Variants in SNX22 observed in about 807,000 individuals in gnomAD.
The protein encoded by SNX22 is sorting nexin-22.
SNX22 carries 23 observed loss-of-function variants against 24.7 expected under a neutral mutation model. That is an observed-to-expected ratio of 0.93 (90% confidence interval 0.67 to 1.32). SNX22 has a LOEUF of 1.32. Among genes scored for constraint, SNX22 ranks in the 40% most tolerant of loss-of-function variants. The pLI, the probability that SNX22 is intolerant of heterozygous loss-of-function variation, is 0.00. For synonymous variants in SNX22, 99 were observed against 104.0 expected (o/e 0.95, Z 0.29); for missense variants, 261 against 249.9 (o/e 1.04, Z -0.30).
chr15:64,152,812 G>C, intron 3 of SNX22, 70 bp downstream of exon 3: 2 of 1,418,428 alleles, frequency 1.4e-6, no homozygotes, highest in Non-Finnish European at 2.0e-6. Context: ...AGAGAGGTGT[G>C]GGGGCATGGC....
chr15:64,154,125 T>G, intron 6 of SNX22, 123 bp downstream of exon 6: 2 of 1,604,886 alleles, frequency 1.2e-6, no homozygotes, highest in Non-Finnish European at 1.7e-6. Flanking sequence ...TACCTCCTGC[T>G]CCTGTCCCCT....
At chr15:64,152,421 C>A in intron 2 of SNX22, 95 bp downstream of exon 2, 1 of 1,341,946 alleles carries the variant, frequency 7.5e-7, no homozygotes, top group Non-Finnish European at 1.0e-6. Context: ...CCAGCCTCCG[C>A]CACCCCCATT....
Position 64,156,831 on chromosome 15 carries a change from G to A in SNX22, c.*2323G>A. ...GCCGTTGGTGTCTTTGCCTGCGTTG[G>A]CCATGCTCACCCAGCCAGGCCCGTA... On this transcript the variant is annotated 3_prime_UTR_variant, in exon 7 of 7. Transcript: ENST00000325881. The surrounding 1 kb of genome is among the most constrained non-coding windows in gnomAD (Gnocchi z 6.4). 1 of 1,614,158 alleles carries A rather than the reference G, an allele frequency of 6.2e-7. No homozygotes were observed. Among genetic ancestry groups the A allele is most frequent in the Non-Finnish European group, 8.5e-7 (1 of 1,180,020 alleles).
chr15:64,155,860 T>G lies in SNX22; in HGVS notation c.*1352T>G. ...CCACATTTTTTTTTATTGGTCAGTG[T>G]TGGTAGGAGTTTGTTACAAAAGTGA... On this transcript the variant is annotated 3_prime_UTR_variant, in exon 7 of 7. Transcript: ENST00000325881. 8.9e-6 allele frequency: 9 copies of G among 1,005,848 alleles called. No individual in the cohort carries two copies. The highest frequency in any genetic ancestry group is 1.2e-5 in the Non-Finnish European group (8 of 655,884). 62.3% of individuals were successfully genotyped at this position (1,005,848 alleles called of 1,614,324 possible).
At chr15:64,153,511 C>T in intron 4 of SNX22, 141 bp from the exon 5 acceptor site, 2 of 1,491,396 alleles carry the variant, frequency 1.3e-6, no homozygotes, top group Non-Finnish European at 1.9e-6. Context: ...TGGTTACCCC[C>T]GCCACCTCCG....
rs1386090615 is a variant in SNX22, at chr15:64,156,173, G to A, written c.*1665G>A. 5.0e-6 allele frequency: 8 copies of A among 1,613,298 alleles called. No individual in the cohort carries two copies. The Admixed American group carries it at 6.7e-5, about 13-fold the overall frequency. ...GGAAAAGAAAGGTGGAAGCAGGAGG[G>A]CATGGTGGATCAGGAGGTCCACCGC... On this transcript the variant is annotated 3_prime_UTR_variant, in exon 7 of 7. Coordinates refer to ENST00000325881, the MANE Select transcript of SNX22 (RefSeq NM_024798.3). This position sits in a 1 kb window ranked among gnomAD's most constrained non-coding sequence, Gnocchi z 6.4.
chr15:64,154,590 T>C lies in SNX22; in HGVS notation c.*82T>C, dbSNP rs1450122489. On this transcript the variant is annotated 3_prime_UTR_variant, in exon 7 of 7. Transcript: ENST00000325881. ...ACTCCATATAAGGCTGGGTCCTCCT[T>C]TGGCCTGGACCCAGGACTTAATTAC... 4.5e-6 allele frequency: 7 copies of C among 1,544,334 alleles called. No homozygotes were observed. Among genetic ancestry groups the C allele is most frequent in the Non-Finnish European group, 6.2e-6 (7 of 1,135,280 alleles).
intron 5 of SNX22, 61 bp from the exon 6 acceptor site, chr15:64,153,874 C>T: frequency 6.3e-7 from 1 of 1,593,022 alleles, no homozygotes; most frequent in South Asian, 1.1e-5. Context: ...CCGTCTCCAC[C>T]CCTCTGTGGG....
In SNX22 at chr15:64,155,484, C is replaced by T. The variant is rs536605413; in HGVS notation, c.*976C>T. 3.3e-5 allele frequency: 5 copies of T among 153,252 alleles called. No homozygotes were observed. Among genetic ancestry groups the T allele is most frequent in the African/African-American group, 5.5e-5 (2 of 36,616 alleles). 9.5% of individuals were successfully genotyped at this position (153,252 alleles called of 1,614,324 possible). A position where few individuals can be genotyped will look rare whatever the true frequency, so the allele number is the denominator to read the frequency against. ...GGTCTGGAAGTTTGAGACCAGCCAG[C>T]GCAACATAGTGAGACCTGTCTCTAC... On this transcript the variant is annotated 3_prime_UTR_variant, in exon 7 of 7. Transcript: ENST00000325881.
rs2307248 is a variant in SNX22, at chr15:64,156,002, A to T, written c.*1494A>T. 2.3e-3 allele frequency: 3,681 copies of T among 1,614,102 alleles called. 69 individuals carry two copies. In the African/African-American group the frequency reaches 0.042, roughly 18 times the overall value. ...ACAGGGCCTGCACAGACGGTCACTC[A>T]AAGAAAGATGTCCCTGTGCCCTACT... is the stretch of plus-strand genomic sequence containing the variant. On this transcript the variant is annotated 3_prime_UTR_variant, in exon 7 of 7. Transcript: ENST00000325881. This position sits in a 1 kb window ranked among gnomAD's most constrained non-coding sequence, Gnocchi z 6.4.
chr15:64,153,559 T>G lies in SNX22; in HGVS notation c.360-93T>G. ...GTTACAAATAGAAGCAGTGGTCCCC[T>G]GGGAGGTGCAGTTCTGGGCTCTGGT... On this transcript the variant is annotated intron_variant, in intron 4 of 6. Transcript: ENST00000325881. 5.1e-6 allele frequency: 8 copies of G among 1,557,030 alleles called. No individual in the cohort carries two copies. The South Asian group carries it at 6.7e-5, about 13-fold the overall frequency.
chr15:64,154,267 G>A, intron 6 of SNX22, 120 bp from the exon 7 acceptor site: 2 of 1,579,944 alleles, frequency 1.3e-6, no homozygotes, highest in South Asian at 2.3e-5. Context: ...CATTTGGGGT[G>A]GACAGCTGCT....
chr15:64,154,766 G>A lies in SNX22; in HGVS notation c.*258G>A, dbSNP rs62024246. 0.071 allele frequency: 25,161 copies of A among 354,270 alleles called. 1,293 individuals are homozygous for A. Among genetic ancestry groups the A allele is most frequent in the Non-Finnish European group, 0.096 (18,451 of 193,020 alleles). 21.9% of individuals were successfully genotyped at this position (354,270 alleles called of 1,614,324 possible). A position where few individuals can be genotyped will look rare whatever the true frequency, so the allele number is the denominator to read the frequency against. On this transcript the variant is annotated 3_prime_UTR_variant, in exon 7 of 7. Coordinates refer to ENST00000325881, the MANE Select transcript of SNX22 (RefSeq NM_024798.3). ...ATAAAAGAGGAAGTCAGCCAGGCGC[G>A]GTGGCTCATGCCTGTAATCCCAGCA...
At position 64,152,801 on chromosome 15, in the gene SNX22, CAGAG is replaced by C. The variant is rs919454887; in HGVS notation, c.264+62_264+65del. 38 of 1,499,246 alleles carry C rather than the reference CAGAG, an allele frequency of 2.5e-5. No homozygotes were observed. The African/African-American group carries it at 3.2e-4, about 12-fold the overall frequency. The allele number at this position is 1,499,246 out of a possible 1,614,324, so 92.9% of individuals were successfully genotyped here. Reference sequence around the variant, plus strand: ...TTCTGTGCCAGGGGTGTGGCCCAGACAGAGAGGTGTGGGGGCATGGCAGGGAGGG... The same window carrying C: ...TTCTGTGCCAGGGGTGTGGCCCAGACAGGTGTGGGGGCATGGCAGGGAGGG... On this transcript the variant is annotated intron_variant, in intron 3 of 6. Transcript: ENST00000325881.
rs535524263 is a variant in SNX22, at chr15:64,156,459, G to A, written c.*1951G>A. 4.9e-6 allele frequency: 3 copies of A among 618,224 alleles called. No homozygotes were observed. The highest frequency in any genetic ancestry group is 2.8e-5 in the East Asian group (1 of 35,870). 38.3% of individuals were successfully genotyped at this position (618,224 alleles called of 1,614,324 possible). A position where few individuals can be genotyped will look rare whatever the true frequency, so the allele number is the denominator to read the frequency against. The stretch of plus-strand genomic sequence containing the variant: ...CAGCTGCACTCTGTATACCTCAGGG[G>A]TGGGACCAGCACGTCACTGAGTGAA... On this transcript the variant is annotated 3_prime_UTR_variant, in exon 7 of 7. Transcript: ENST00000325881. The surrounding 1 kb of genome is among the most constrained non-coding windows in gnomAD (Gnocchi z 6.4).
At chr15:64,153,625 A>G in intron 4 of SNX22, 27 bp from the exon 5 acceptor site, 4 of 1,613,974 alleles carry the variant, frequency 2.5e-6, no homozygotes, top group Admixed American at 3.3e-5. Flanking sequence ...ATCCCCAGGC[A>G]GCTTACAGTG....
At chr15:64,153,864 C>T in intron 5 of SNX22, 71 bp from the exon 6 acceptor site, 1 of 1,591,602 alleles carries the variant, frequency 6.3e-7, no homozygotes, top group Middle Eastern at 2.2e-4. Flanking sequence ...GATGGCAACC[C>T]CGTCTCCACC....
rs923968479 is a variant in SNX22 at position 64,153,577 on chromosome 15, G to T, written c.360-75G>T. The T allele has an allele frequency of 1.9e-6, 3 of 1,593,532 alleles. No individual in the cohort carries two copies. In the African/African-American group the frequency reaches 4.0e-5, roughly 21 times the overall value. On this transcript the variant is annotated intron_variant, in intron 4 of 6. Coordinates refer to ENST00000325881, the MANE Select transcript of SNX22 (RefSeq NM_024798.3). ...GGTCCCCTGGGAGGTGCAGTTCTGG[G>T]CTCTGGTGTCTCCACCCCTTCCTCA...
At chr15:64,153,568 C>T in intron 4 of SNX22, 84 bp from the exon 5 acceptor site, 1 of 1,568,294 alleles carries the variant, frequency 6.4e-7, no homozygotes, top group Admixed American at 1.7e-5. Flanking sequence ...CTGGGAGGTG[C>T]AGTTCTGGGC....
Sources: allele counts gnomAD v4.1 joint callset, GRCh38; gene constraint gnomAD v4.1.1; non-coding constraint Gnocchi (gnomAD v3.1); transcripts MANE v1.5; gene names NCBI Gene and HGNC (gene_info 2026-07-23, HGNC 2026-07-21).